The following CYTH1 variants were observed in gnomAD, a reference collection of about 807,000 sequenced individuals.
The protein encoded by CYTH1 is cytohesin-1.
In CYTH1, 18 loss-of-function variants were observed where a neutral mutation model predicts 61.8. That is an observed-to-expected ratio of 0.29 (90% CI 0.20 to 0.43). CYTH1 has a LOEUF of 0.43. Among genes scored for constraint, CYTH1 ranks in the 20% least tolerant of loss-of-function variants. CYTH1 has a pLI of 1.00. For missense variants in CYTH1, 336 were observed against 510.5 expected (o/e 0.66, Z 3.29); for synonymous variants, 174 against 184.3 (o/e 0.94, Z 0.45).
chr17:78,694,507 G>A (rs1361946758), intron 10 of CYTH1, among the ~76,000 whole-genome samples: 1 of 152,144 alleles, frequency 6.6e-6, no homozygotes, highest in Non-Finnish European at 1.5e-5. Flanking sequence ...AAGAAGGCAA[G>A]GACTATATTC....
At chr17:78,703,411 CAAAAAAAAAAAAA>C (rs67437891) in intron 3 of CYTH1, among the ~76,000 whole-genome samples, 1 of 69,690 alleles carries the variant, frequency 1.4e-5, no homozygotes, top group African/African-American at 5.9e-5. Flanking sequence ...ACTCCGTCTC[CAAAAAAAAAAAAA>C]AAAAAAAAAA....
chr17:78,767,342 C>T (rs1397691948), intron 1 of CYTH1, among the ~76,000 whole-genome samples: 1 of 152,142 alleles, frequency 6.6e-6, no homozygotes, highest in Non-Finnish European at 1.5e-5. Context: ...ACATCTCACT[C>T]AGAACACAGT....
intron 3 of CYTH1, among the ~76,000 whole-genome samples, chr17:78,704,598 G>A (rs367565747): frequency 5.3e-5 from 8 of 152,200 alleles, no homozygotes; most frequent in East Asian, 1.9e-4. Flanking sequence ...GTGGCTCACC[G>A]CAACCTTTAA....
At chr17:78,759,434 G>A (rs1456235860) in intron 1 of CYTH1, among the ~76,000 whole-genome samples, 3 of 152,160 alleles carry the variant, frequency 2.0e-5, no homozygotes, top group Non-Finnish European at 4.4e-5. Context: ...ACTGGCACCT[G>A]GCCACTGGCT....
chr17:78,683,228 A>AGCTGGTGGTGGACCCTT (rs2092781747), intron 11 of CYTH1, among the ~76,000 whole-genome samples: 1 of 151,844 alleles, frequency 6.6e-6, no homozygotes, highest in African/African-American at 2.4e-5. Flanking sequence ...GTCTCTTCAC[A>AGCTGGTGGTGGACCCTT]GCTGGTGGTG....
chr17:78,763,928 T>C (rs139998713), intron 1 of CYTH1, among the ~76,000 whole-genome samples: 1 of 152,174 alleles, frequency 6.6e-6, no homozygotes, highest in East Asian at 2.0e-4. Flanking sequence ...CTGGCCAACA[T>C]GGCCAAACCC....
Position 78,674,352 on chromosome 17 carries a change from G to C in CYTH1, c.*1739C>G, listed in dbSNP as rs982279891. ...GCCAGGGCCCGGGCCAGCTGGACAG[G>C]CTCCAGCACCGGCCCAAACACGCCC... On this transcript the variant is annotated 3_prime_UTR_variant, in exon 14 of 14. Coordinates refer to ENST00000446868, the MANE Select transcript of CYTH1 (RefSeq NM_004762.6). 6.6e-6 allele frequency: 1 copy of C among 152,266 alleles called. No individual in the cohort carries two copies. Among genetic ancestry groups the C allele is most frequent in the Admixed American group, 6.5e-5 (1 of 15,282 alleles). 9.4% of individuals were successfully genotyped at this position (152,266 alleles called of 1,614,324 possible).
At chr17:78,762,021 G>C (rs147659184) in intron 1 of CYTH1, among the ~76,000 whole-genome samples, 1 of 152,178 alleles carries the variant, frequency 6.6e-6, no homozygotes. Context: ...CATGTGACAT[G>C]GGGGAAAACA....
intron 1 of CYTH1, among the ~76,000 whole-genome samples, chr17:78,780,448 AGAGCGTGCAGT>A (rs2093512171): frequency 6.6e-6 from 1 of 152,232 alleles, no homozygotes; most frequent in South Asian, 2.1e-4. Flanking sequence ...CCAAGGAAGC[AGAGCGTGCAGT>A]GAGCTATGAG....
At chr17:78,734,760 T>TA (rs2093312776) in intron 1 of CYTH1, among the ~76,000 whole-genome samples, 1 of 152,134 alleles carries the variant, frequency 6.6e-6, no homozygotes, top group African/African-American at 2.4e-5. Flanking sequence ...ATTTTTAACC[T>TA]AAAAATTGTG....
At chr17:78,776,381 G>A (rs1598932376) in intron 1 of CYTH1, among the ~76,000 whole-genome samples, 1 of 152,054 alleles carries the variant, frequency 6.6e-6, no homozygotes, top group African/African-American at 2.4e-5. Context: ...CACAAGCCAG[G>A]CGCAATGGCT....
chr17:78,719,059 A>T (rs1245429575), intron 1 of CYTH1, among the ~76,000 whole-genome samples: 1 of 152,198 alleles, frequency 6.6e-6, no homozygotes, highest in Non-Finnish European at 1.5e-5. Flanking sequence ...TCAGGTGTGC[A>T]TGTTAACGAG....
intron 1 of CYTH1, among the ~76,000 whole-genome samples, chr17:78,739,934 A>T (rs1567869567): frequency 2.6e-5 from 4 of 151,950 alleles, no homozygotes; most frequent in Admixed American, 6.5e-5. Context: ...TGGAGCTGCT[A>T]TCTTTTCTTT....
intron 10 of CYTH1, among the ~76,000 whole-genome samples, chr17:78,693,832 T>A (rs1682132769): frequency 6.6e-6 from 1 of 152,144 alleles, no homozygotes; most frequent in African/African-American, 2.4e-5. Context: ...AACTTATCCC[T>A]AAGGCCTTGA....
intron 1 of CYTH1, among the ~76,000 whole-genome samples, chr17:78,767,845 A>G (rs1408615095): frequency 6.6e-6 from 1 of 152,222 alleles, no homozygotes; most frequent in Non-Finnish European, 1.5e-5. Context: ...AGCACTTGAA[A>G]ATGCCAGAAT....
intron 1 of CYTH1, among the ~76,000 whole-genome samples, chr17:78,775,382 T>C (rs973701674): frequency 6.6e-6 from 1 of 152,204 alleles, no homozygotes; most frequent in Non-Finnish European, 1.5e-5. Context: ...AGGCCAAAGC[T>C]AGAGACAGCA....
chr17:78,780,427 G>C lies in CYTH1; in HGVS notation c.22+1775C>G, dbSNP rs553005002. Among the ~76,000 whole-genome samples the C allele has an allele frequency of 2.1e-3, 316 of 152,298 alleles. 2 individuals carry two copies. Among genetic ancestry groups the C allele is most frequent in the Non-Finnish European group, 9.1e-4 (62 of 68,026 alleles). On this transcript the variant is annotated intron_variant, in intron 1 of 13. Transcript: ENST00000446868. Reference sequence around the variant, plus strand: ...GAGGGGCTGAGAAGAGAGGTGAGAGGATTGCTTGAGCCAAGGAAGCAGAGC... The same window carrying C: ...GAGGGGCTGAGAAGAGAGGTGAGAGCATTGCTTGAGCCAAGGAAGCAGAGC...
chr17:78,682,762 G>A (rs2092776557), intron 11 of CYTH1, among the ~76,000 whole-genome samples: 2 of 152,168 alleles, frequency 1.3e-5, no homozygotes, highest in East Asian at 1.9e-4. Flanking sequence ...TGTTCTGGTT[G>A]CTGGTGCTTT....
rs200848505 is a variant in CYTH1, at chr17:78,741,809, G to C, written c.23-32077C>G. On this transcript the variant is annotated intron_variant, in intron 1 of 13. Transcript: ENST00000446868. Reference sequence around the variant, plus strand: ...CAACCAGGAACCACACTCCCTCCAGGACAGCCTCCGGCAGACAGCAGGATG... The same window carrying C: ...CAACCAGGAACCACACTCCCTCCAGCACAGCCTCCGGCAGACAGCAGGATG... 2.0e-5 allele frequency among the ~76,000 whole-genome samples: 3 copies of C among 152,274 alleles called. No individual in the cohort carries two copies. The East Asian group carries it at 5.8e-4, about 29-fold the overall frequency.
Sources: allele counts gnomAD v4.1 joint callset (sites outside exome capture counted in the v4.1 genomes callset), GRCh38; gene constraint gnomAD v4.1.1; transcripts MANE v1.5; gene names NCBI Gene and HGNC (gene_info 2026-07-23, HGNC 2026-07-21).